ALS2CL: variants seen among roughly 807,000 people sequenced by gnomAD.
ALS2CL encodes the protein ALS2 C-terminal-like protein.
ALS2CL carries 112 observed loss-of-function variants against 127.9 expected under a neutral mutation model. The ratio of observed to expected loss-of-function variants is 0.88; its 90% CI spans 0.75 to 1.02. ALS2CL has a LOEUF of 1.02. Ranked by LOEUF, ALS2CL falls within the 50% of genes least tolerant of loss-of-function variation. ALS2CL has a pLI of 0.00. For missense variants in ALS2CL, 1,174 were observed against 1,236.7 expected (o/e 0.95, Z 0.76); for synonymous variants, 519 against 527.6 (o/e 0.98, Z 0.22).
intron 15 of ALS2CL, 47 bp downstream of exon 15, chr3:46,679,163 A>T (rs1699116580): frequency 1.3e-6 from 2 of 1,520,656 alleles, no homozygotes; most frequent in Non-Finnish European, 1.8e-6. Context: ...TACAGACACC[A>T]ACCAAGGCCT....
chr3:46,679,113 TC>T, intron 15 of ALS2CL, 96 bp downstream of exon 15: 1 of 1,294,106 alleles, frequency 7.7e-7, no homozygotes. Context: ...GGACAGGCCC[TC>T]CCCTACCTGC....
Position 46,681,987 on chromosome 3 carries a change from G to A in ALS2CL, c.1175+42C>T. 1 of 1,605,110 alleles carries A rather than the reference G, an allele frequency of 6.2e-7. No individual in the cohort carries two copies. The highest frequency in any genetic ancestry group is 2.2e-5 in the East Asian group (1 of 44,734). ...CAGCAGGGGAGGAAAGCACCCTTCA[G>A]CCCACTGCACGCCTCCCAGCAGTAG... On this transcript the variant is annotated intron_variant, in intron 11 of 25. Transcript: ENST00000318962. This position sits in a 1 kb window ranked among gnomAD's most constrained non-coding sequence, Gnocchi z 4.9.
intron 25 of ALS2CL, 36 bp from the exon 26 acceptor site, chr3:46,671,100 C>T (rs1427874165): frequency 1.9e-6 from 3 of 1,587,418 alleles, no homozygotes; most frequent in Non-Finnish European, 2.6e-6. Flanking sequence ...GCCAGTTGAC[C>T]TGCCTGATCC....
Position 46,671,518 on chromosome 3 carries a change from GCCT to G in ALS2CL, c.2748_2750del (p.Gly917del). On this transcript the variant is annotated inframe_deletion, in exon 25 of 26. Coordinates refer to ENST00000318962, the MANE Select transcript of ALS2CL (RefSeq NM_147129.5). Reference sequence around the variant, plus strand: ...GGGCTGTGAGCAGGAAGTCATACAGGCCTCCTGTGTGGTTGGGGTCCATCATGT... The same window carrying G: ...GGGCTGTGAGCAGGAAGTCATACAGGCCTGTGTGGTTGGGGTCCATCATGT... 1 of 1,614,020 alleles carries G rather than the reference GCCT, an allele frequency of 6.2e-7. No individual in the cohort carries two copies. The highest frequency in any genetic ancestry group is 8.5e-7 in the Non-Finnish European group (1 of 1,179,988).
chr3:46,687,557 A>C (rs1575447425), intron 4 of ALS2CL, 62 bp downstream of exon 4: 2 of 1,563,690 alleles, frequency 1.3e-6, no homozygotes, highest in Non-Finnish European at 1.7e-6. Flanking sequence ...GGCTTCCCCG[A>C]CCCCACCCTC....
rs1277263444 is a variant in ALS2CL at position 46,683,196 on chromosome 3, T to C, written c.1043A>G (p.Gln348Arg). Residue 348 changes from glutamine to arginine, a missense_variant, in exon 10 of 26, where the codon CAG (glutamine) becomes CGG (arginine). By Grantham distance (43) the Gln-to-Arg change is conservative (BLOSUM62 1). Coordinates refer to ENST00000318962, the MANE Select transcript of ALS2CL (RefSeq NM_147129.5). ...PDCRCAEYTF[Q>R]AEGRLCQATY... The stretch of plus-strand genomic sequence containing the variant: ...GGCCTGGCAGAGCCGGCCCTCTGCC[T>C]GGAAGGTATATTCTGCGCAGCGGCA... 6.2e-7 allele frequency: 1 copy of C among 1,607,038 alleles called. No homozygotes were observed. The highest frequency in any genetic ancestry group is 1.7e-5 in the Admixed American group (1 of 59,060).
At chr3:46,675,505 G>T in intron 20 of ALS2CL, 113 bp downstream of exon 20, 2 of 994,516 alleles carry the variant, frequency 2.0e-6, no homozygotes, top group Non-Finnish European at 3.1e-6. Flanking sequence ...GGTCAATAGA[G>T]TGAATGCCCA....
rs1031900245 is a variant in ALS2CL, at chr3:46,671,642, G to A, written c.2685-58C>T. 55 of 1,611,156 alleles carry A rather than the reference G, an allele frequency of 3.4e-5. No individual in the cohort carries two copies. The South Asian group carries it at 3.6e-4, about 11-fold the overall frequency. On this transcript the variant is annotated intron_variant, in intron 24 of 25. Transcript: ENST00000318962. Reference sequence around the variant, plus strand: ...GAGACAAGGAGAAGAGGCCTGTCGCGGACAGGCAGCTGGGGAAGGAGCGCT... The same window carrying A: ...GAGACAAGGAGAAGAGGCCTGTCGCAGACAGGCAGCTGGGGAAGGAGCGCT...
chr3:46,690,071 T>C (rs1245046867), intron 1 of ALS2CL, among the ~76,000 whole-genome samples: 1 of 152,160 alleles, frequency 6.6e-6, no homozygotes, highest in African/African-American at 2.4e-5. Context: ...GGAGGAACCC[T>C]GAGAGTAAAG....
rs768951014 is a variant in ALS2CL at position 46,676,848 on chromosome 3, C to T, written c.1931+1G>A. On this transcript the variant is annotated splice_donor_variant, in intron 17 of 25. Transcript: ENST00000318962. LOFTEE classifies it high-confidence loss of function. ...GTGCATGCTCACACAGCCGGCCTCA[C>T]CTCTCGCAGGACAGGTAATCCTGAG... is the stretch of plus-strand genomic sequence containing the variant. 1.2e-6 allele frequency: 2 copies of T among 1,611,478 alleles called. No homozygotes were observed. Among genetic ancestry groups the T allele is most frequent in the East Asian group, 2.2e-5 (1 of 44,726 alleles).
chr3:46,678,464 C>G, intron 15 of ALS2CL, 75 bp from the exon 16 acceptor site: 1 of 1,532,754 alleles, frequency 6.5e-7, no homozygotes, highest in Non-Finnish European at 8.8e-7. Flanking sequence ...AGGCCACAAG[C>G]CTGTCCATCA....
rs1157091256 is a variant in ALS2CL at position 46,685,513 on chromosome 3, C to A, written c.786+12G>T. ...CTGTGGCCTCAAGACCTTGGGTCAG[C>A]CCCACCCCAACCTGCAGCAGGACGA... is the stretch of plus-strand genomic sequence containing the variant. On this transcript the variant is annotated intron_variant, in intron 7 of 25. Transcript: ENST00000318962. 3.7e-6 allele frequency: 6 copies of A among 1,612,756 alleles called. No individual in the cohort carries two copies. Among genetic ancestry groups the A allele is most frequent in the Non-Finnish European group, 3.4e-6 (4 of 1,179,100 alleles).
intron 18 of ALS2CL, 86 bp from the exon 19 acceptor site, chr3:46,676,488 C>T: frequency 1.9e-6 from 3 of 1,581,538 alleles, no homozygotes; most frequent in Non-Finnish European, 2.6e-6. Flanking sequence ...AACACTTCTC[C>T]CATCTCATAC....
intron 22 of ALS2CL, among the ~76,000 whole-genome samples, chr3:46,672,752 T>G (rs1268167591): frequency 1.3e-5 from 2 of 152,132 alleles, no homozygotes; most frequent in Non-Finnish European, 2.9e-5. Flanking sequence ...CCCACCACTT[T>G]AGGAGGCGAA....
In ALS2CL at chr3:46,681,396, T is replaced by C. The variant is rs537807005; in HGVS notation, c.1286A>G (p.Asp429Gly). The C allele has an allele frequency of 1.2e-6, 2 of 1,605,916 alleles. No individual in the cohort carries two copies. The highest frequency in any genetic ancestry group is 1.3e-5 in the African/African-American group (1 of 74,868). Residue 429 changes from aspartate to glycine, a missense_variant, in exon 13 of 26, where the codon GAC becomes GGC. Physicochemically the swap from Asp to Gly is moderately conservative, Grantham distance 94 (BLOSUM62 -1). Transcript: ENST00000318962. This position sits in a 1 kb window ranked among gnomAD's most constrained non-coding sequence, Gnocchi z 4.9. ...CTGGAAGTAGCCCTTGTACACCTCGTCGGTGCTGTACCTGGGGAGGGCCAT... is the reference window on the plus strand; with the variant it reads ...CTGGAAGTAGCCCTTGTACACCTCGCCGGTGCTGTACCTGGGGAGGGCCAT... ...CGYGICEYST[D>G]EVYKGYFQEG...
intron 13 of ALS2CL, 137 bp from the exon 14 acceptor site, chr3:46,680,678 G>GAA (rs1699247235): frequency 2.8e-6 from 2 of 713,770 alleles, no homozygotes; most frequent in South Asian, 3.4e-5. Context: ...CAGACACAGT[G>GAA]CCAGAGAGGT....
In ALS2CL at chr3:46,676,648, GAGGTAC is replaced by G. The variant is rs757116630; in HGVS notation, c.2016_2021del (p.Tyr673_Leu674del). Reference sequence around the variant, plus strand: ...ACCCCAGCAGGGCTCTCACCTTCCTGAGGTACAGCTGCAGGGCCTTGGGCTCCCGGT... The same window carrying G: ...ACCCCAGCAGGGCTCTCACCTTCCTGAGCTGCAGGGCCTTGGGCTCCCGGT... On this transcript the variant is annotated inframe_deletion, in exon 18 of 26. Coordinates refer to ENST00000318962, the MANE Select transcript of ALS2CL (RefSeq NM_147129.5). 6.2e-7 allele frequency: 1 copy of G among 1,613,272 alleles called. No individual in the cohort carries two copies. Among genetic ancestry groups the G allele is most frequent in the South Asian group, 1.1e-5 (1 of 91,038 alleles).
In ALS2CL at chr3:46,679,286, C is replaced by G. The variant is rs1251831194; in HGVS notation, c.1550G>C (p.Gly517Ala). ...QGTFQADKTV[G>A]PGILLSEDDS... ...GTCTTCAGAGAGGAGGATGCCCGGG[C>G]CCTTGGGGAGAGGAAGCCAGGGAGG... is the stretch of plus-strand genomic sequence containing the variant. Residue 517 changes from glycine (G) to alanine (A), a missense_variant and splice_region_variant, in exon 15 of 26, where the codon GGC becomes GCC. By Grantham distance (60) the Gly-to-Ala change is moderately conservative. Coordinates refer to ENST00000318962, the MANE Select transcript of ALS2CL (RefSeq NM_147129.5). The G allele has an allele frequency of 8.2e-6, 13 of 1,585,420 alleles. No homozygotes were observed. The highest frequency in any genetic ancestry group is 1.3e-5 in the African/African-American group (1 of 74,422).
chr3:46,677,254 GCATA>G (rs1361893617), intron 16 of ALS2CL: 1 of 1,380,664 alleles, frequency 7.2e-7, no homozygotes. Context: ...ACAGACAGAA[GCATA>G]TGGAATCCTG....
Sources: gnomAD v4.1 joint callset for allele counts (sites outside exome capture counted in the v4.1 genomes callset) on GRCh38, gnomAD v4.1.1 for gene constraint, Gnocchi (gnomAD v3.1) non-coding constraint, MANE v1.5 for transcripts, NCBI Gene and HGNC (gene_info 2026-07-23, HGNC 2026-07-21) for gene names.